Variants in GIPC2 observed in about 807,000 individuals in gnomAD.
GIPC2 encodes the protein GIPC PDZ domain containing family member 2.
In GIPC2, 30 loss-of-function variants were observed where a neutral mutation model predicts 30.6. That is an observed-to-expected ratio of 0.98 (90% confidence interval 0.73 to 1.33). GIPC2 has a LOEUF of 1.33. Among genes scored for constraint, GIPC2 ranks in the 40% most tolerant of loss-of-function variants. GIPC2 has a pLI of 0.00. For synonymous variants in GIPC2, 167 were observed against 150.0 expected (o/e 1.11, Z -0.83); for missense variants, 414 against 390.3 (o/e 1.06, Z -0.51).
At chr1:78,045,270 TTTTGC>T (rs892422839), upstream of GIPC2, among the ~76,000 whole-genome samples, 5 of 152,196 alleles carry the variant, frequency 3.3e-5, no homozygotes, top group African/African-American at 1.2e-4. Context: ...TTCAAGACTG[TTTTGC>T]TTTGTTGTAA....
intron 4 of GIPC2, among the ~76,000 whole-genome samples, chr1:78,120,101 G>A (rs1662650439): frequency 6.6e-6 from 1 of 152,172 alleles, no homozygotes; most frequent in Non-Finnish European, 1.5e-5. Flanking sequence ...CCCTCAGAAT[G>A]ATCCTTAAAA....
intron 5 of GIPC2, among the ~76,000 whole-genome samples, chr1:78,133,802 T>C (rs1662950318): frequency 2.0e-5 from 3 of 151,498 alleles, no homozygotes; most frequent in African/African-American, 7.3e-5. Flanking sequence ...GTATGTATTA[T>C]GGATTCATGG....
chr1:78,046,920 C>T (rs1164998686), intron 1 of GIPC2, among the ~76,000 whole-genome samples: 1 of 152,172 alleles, frequency 6.6e-6, no homozygotes, highest in African/African-American at 2.4e-5. Context: ...CACCAGAAAC[C>T]CTTTGGTGGT....
At chr1:78,045,585 T>C (rs1661052276), upstream of GIPC2, 7 of 985,440 alleles carry the variant, frequency 7.1e-6, no homozygotes, top group Non-Finnish European at 7.2e-6. Flanking sequence ...TGACTTTCTC[T>C]TCCAATTCTG....
chr1:78,069,793 A>T (rs1661584807), intron 1 of GIPC2, among the ~76,000 whole-genome samples: 1 of 152,036 alleles, frequency 6.6e-6, no homozygotes, highest in Non-Finnish European at 1.5e-5. Context: ...CATTTTTATG[A>T]TGACTTTTAG....
At chr1:78,066,162 A>T (rs1661507662) in intron 1 of GIPC2, among the ~76,000 whole-genome samples, 1 of 152,336 alleles carries the variant, frequency 6.6e-6, no homozygotes, top group African/African-American at 2.4e-5. Context: ...AAGGTCTAAT[A>T]TACAGCATCT....
chr1:78,109,500 T>A (rs888432009), intron 3 of GIPC2, among the ~76,000 whole-genome samples: 7 of 152,238 alleles, frequency 4.6e-5, no homozygotes, highest in African/African-American at 1.7e-4. Flanking sequence ...CCTGGTTGTC[T>A]GTGATCCTGG....
chr1:78,046,425 G>C (rs1661087730), intron 1 of GIPC2, 91 bp downstream of exon 1: 1 of 1,232,166 alleles, frequency 8.1e-7, no homozygotes, highest in Non-Finnish European at 1.1e-6. Flanking sequence ...GTTGAGCGGC[G>C]TTTCCCGGAG....
In GIPC2 at chr1:78,125,874, G is replaced by C; in HGVS notation, c.715-7G>C. ...ATAATATCTTATTTCTCTCTTTTTT[G>C]ATAAAGCCTTCTGAAACCAAAGCAA... is the stretch of plus-strand genomic sequence containing the variant. On this transcript the variant is annotated splice_region_variant and splice_polypyrimidine_tract_variant and intron_variant, in intron 4 of 5. Transcript: ENST00000370759. The C allele has an allele frequency of 6.7e-7, 1 of 1,500,870 alleles. No homozygotes were observed. Among genetic ancestry groups the C allele is most frequent in the Non-Finnish European group, 9.3e-7 (1 of 1,078,064 alleles). The allele number at this position is 1,500,870 out of a possible 1,614,324, so 93.0% of individuals were successfully genotyped here.
At chr1:78,111,517 C>A (rs1662465306) in intron 3 of GIPC2, among the ~76,000 whole-genome samples, 1 of 152,178 alleles carries the variant, frequency 6.6e-6, no homozygotes. Flanking sequence ...AAAGAAGAGA[C>A]CTTTGCCCCT....
chr1:78,098,295 CAGAG>C (rs1662176645), intron 3 of GIPC2, among the ~76,000 whole-genome samples: 1 of 152,138 alleles, frequency 6.6e-6, no homozygotes, highest in Non-Finnish European at 1.5e-5. Flanking sequence ...AACTTTCTTT[CAGAG>C]AAAGAGTAAA....
chr1:78,057,064 T>C (rs1323759557), intron 1 of GIPC2, among the ~76,000 whole-genome samples: 5 of 152,204 alleles, frequency 3.3e-5, no homozygotes, highest in Admixed American at 1.3e-4. Flanking sequence ...GTTTAATCAG[T>C]TGGGGTTTGA....
intron 1 of GIPC2, among the ~76,000 whole-genome samples, chr1:78,076,934 A>ATT (rs552494311): frequency 1.4e-5 from 2 of 144,314 alleles, no homozygotes; most frequent in African/African-American, 5.1e-5. Flanking sequence ...ATGCCTGGCT[A>ATT]TTTTTTTTTT....
At chr1:78,075,507 C>T (rs906405988) in intron 1 of GIPC2, among the ~76,000 whole-genome samples, 1 of 152,138 alleles carries the variant, frequency 6.6e-6, no homozygotes, top group Non-Finnish European at 1.5e-5. Flanking sequence ...GAGCAACTCA[C>T]CGATGTCACC....
At chr1:78,093,664 A>G (rs1662084176) in intron 2 of GIPC2, among the ~76,000 whole-genome samples, 1 of 152,186 alleles carries the variant, frequency 6.6e-6, no homozygotes, top group Non-Finnish European at 1.5e-5. Context: ...CTTGGACACA[A>G]TGATCAATCA....
At chr1:78,114,790 A>G (rs1032195463) in intron 3 of GIPC2, among the ~76,000 whole-genome samples, 3 of 152,182 alleles carry the variant, frequency 2.0e-5, no homozygotes, top group Admixed American at 1.3e-4. Context: ...ACTCTAAACT[A>G]TGGACATTGG....
intron 3 of GIPC2, among the ~76,000 whole-genome samples, chr1:78,101,002 C>T (rs1438017989): frequency 6.7e-6 from 1 of 149,444 alleles, no homozygotes; most frequent in African/African-American, 2.5e-5. Context: ...GGTAGATGAG[C>T]ATTGATAATT....
At chr1:78,134,118 C>T (rs1662956844) in intron 5 of GIPC2, among the ~76,000 whole-genome samples, 1 of 152,116 alleles carries the variant, frequency 6.6e-6, no homozygotes, top group African/African-American at 2.4e-5. Context: ...GTTGGGATGT[C>T]ATGCTTCCAG....
chr1:78,095,197 G>A, intron 3 of GIPC2, 65 bp downstream of exon 3: 1 of 1,100,314 alleles, frequency 9.1e-7, no homozygotes, highest in Non-Finnish European at 1.4e-6. Flanking sequence ...CTTTCTAAGG[G>A]AAATGAGTAC....
Sources: gnomAD v4.1 joint callset for allele counts (sites outside exome capture counted in the v4.1 genomes callset) on GRCh38, gnomAD v4.1.1 for gene constraint, MANE v1.5 for transcripts, NCBI Gene and HGNC (gene_info 2026-07-23, HGNC 2026-07-21) for gene names.